Variants in OR5M1 observed in about 807,000 individuals in gnomAD.
The protein encoded by OR5M1 is olfactory receptor 5M1.
For synonymous variants in OR5M1, 165 were observed against 144.2 expected (o/e 1.14, Z -1.04); for missense variants, 367 against 379.5 (o/e 0.97, Z 0.27).
Position 56,612,599 on chromosome 11 carries a change from G to C in OR5M1, c.904C>G (p.Gln302Glu). The change falls in exon 2 of 2, where the codon CAA becomes GAA. Residue 302 changes from glutamine (Q) to glutamate (E), a missense_variant. Coordinates refer to ENST00000641076, the MANE Select transcript of OR5M1 (RefSeq NM_001004740.2). ...LRNTDVILAM[Q>E]QMIRGKSFHK... The stretch of plus-strand genomic sequence containing the variant: ...AAGGATTTTCCCCTAATCATTTGTT[G>C]CATGGCAAGGATTACATCTGTGTTC... The C allele has an allele frequency of 6.2e-7, 1 of 1,606,454 alleles. No individual in the cohort carries two copies. Among genetic ancestry groups the C allele is most frequent in the Non-Finnish European group, 8.5e-7 (1 of 1,178,282 alleles).
At position 56,612,427 on chromosome 11, in the gene OR5M1, G is replaced by T; in HGVS notation, c.*128C>A. 1 of 560,084 alleles carries T rather than the reference G, an allele frequency of 1.8e-6. No individual in the cohort carries two copies. The highest frequency in any genetic ancestry group is 3.1e-6 in the Non-Finnish European group (1 of 325,012). The allele number at this position is 560,084 out of a possible 1,614,324, so 34.7% of individuals were successfully genotyped here. A position where few individuals can be genotyped will look rare whatever the true frequency, so the allele number is the denominator to read the frequency against. On this transcript the variant is annotated 3_prime_UTR_variant, in exon 2 of 2. Coordinates refer to ENST00000641076, the MANE Select transcript of OR5M1 (RefSeq NM_001004740.2). ...AAATCAATCTTCAAGGTTTTCATTT[G>T]GATAAGAAAGTAAAGTGGTTACTGA...
rs931061888 is a variant in OR5M1, at chr11:56,613,135, T to C, written c.368A>G (p.Tyr123Cys). Residue 123 changes from tyrosine to cysteine, a missense_variant, in exon 2 of 2, where the codon TAT (tyrosine) becomes TGT (cysteine). By Grantham distance (194) the Tyr-to-Cys change is radical (BLOSUM62 -2). Transcript: ENST00000641076. ...YILASMALDR[Y>C]VAICSPLHYS... is the part of the protein sequence containing the mutation. ...ATGCAAAGGGCTGCAAATGGCTACA[T>C]AGCGATCCAATGCCATTGAAGCAAG... The C allele has an allele frequency of 2.5e-6, 4 of 1,613,688 alleles. No individual in the cohort carries two copies. Among genetic ancestry groups the C allele is most frequent in the Non-Finnish European group, 3.4e-6 (4 of 1,179,818 alleles).
chr11:56,612,619 G>C lies in OR5M1; in HGVS notation c.884C>G (p.Thr295Arg), dbSNP rs200341456. Residue 295 changes from threonine to arginine, a missense_variant, in exon 2 of 2, where the codon ACA becomes AGA. Coordinates refer to ENST00000641076, the MANE Select transcript of OR5M1 (RefSeq NM_001004740.2). ...TTGTTGCATGGCAAGGATTACATCT[G>C]TGTTCCGTAGGCTATAGATCAATGG... ...LNPLIYSLRN[T>R]DVILAMQQMI... The C allele has an allele frequency of 1.9e-4, 307 of 1,612,044 alleles. 1 individual carries two copies. Among genetic ancestry groups the C allele is most frequent in the African/African-American group, 1.6e-3 (120 of 74,984 alleles).
rs758063717 is a variant in OR5M1, at chr11:56,612,584, C to T, written c.919G>A (p.Gly307Arg). The change falls in exon 2 of 2, where the codon GGA (glycine) becomes AGA (arginine). Residue 307 changes from glycine to arginine, a missense_variant. Transcript: ENST00000641076. Reference sequence around the variant, plus strand: ...ACTGCAATTTTATGAAAGGATTTTCCCCTAATCATTTGTTGCATGGCAAGG... The same window carrying T: ...ACTGCAATTTTATGAAAGGATTTTCTCCTAATCATTTGTTGCATGGCAAGG... ...VILAMQQMIR[G>R]KSFHKIAV 1 of 1,605,070 alleles carries T rather than the reference C, an allele frequency of 6.2e-7. No homozygotes were observed.
At chr11:56,614,553 G>A (rs576084090) in intron 1 of OR5M1, among the ~76,000 whole-genome samples, 1 of 152,010 alleles carries the variant, frequency 6.6e-6, no homozygotes, top group East Asian at 1.9e-4. Context: ...TCCAACTCAA[G>A]CCACTCTCTC....
rs1299731972 is a variant in OR5M1 at position 56,613,494 on chromosome 11, G to A, written c.9C>T (p.Ser3=). The A allele has an allele frequency of 2.1e-5, 34 of 1,611,976 alleles. No homozygotes were observed. The highest frequency in any genetic ancestry group is 2.8e-5 in the Non-Finnish European group (33 of 1,178,356). Residue 3 remains serine (S), a synonymous_variant, in exon 2 of 2, where the codon TCC becomes TCT. Transcript: ENST00000641076. The part of the protein sequence containing the change: MF[S]PNHTIVTEFI... ...ATTCTGTCACTATGGTGTGGTTTGG[G>A]GAGAACATCTTCTTATCTCTTGAAA...
Position 56,610,944 on chromosome 11 carries a change from G to A in OR5M1, c.*1611C>T, listed in dbSNP as rs933757746. ...CGTACAGTTATTTAGGCCAAATATA[G>A]AGTATTTTTTGCACTCATTCTAAAA... On this transcript the variant is annotated 3_prime_UTR_variant, in exon 2 of 2. Transcript: ENST00000641076. 1 of 152,066 alleles carries A rather than the reference G, an allele frequency of 6.6e-6. No homozygotes were observed. The highest frequency in any genetic ancestry group is 1.5e-5 in the Non-Finnish European group (1 of 68,006). The allele number at this position is 152,066 out of a possible 1,614,324, so 9.4% of individuals were successfully genotyped here.
chr11:56,613,325 AC>A lies in OR5M1; in HGVS notation c.177del (p.Met59IlefsTer11). The stretch of plus-strand genomic sequence containing the variant: ...AAGGAGAGGTGGCCAAGGAAGAAAT[AC>A]ATGGGTGTTTGCAGGTGGGAATTGG... ...IRTNSHLQTP[M>X]YFFLGHLSFV... On this transcript the variant is annotated frameshift_variant, in exon 2 of 2. Transcript: ENST00000641076. LOFTEE classifies it low-confidence loss of function (END_TRUNC). 2 of 1,613,722 alleles carry A rather than the reference AC, an allele frequency of 1.2e-6. No homozygotes were observed. The highest frequency in any genetic ancestry group is 1.7e-6 in the Non-Finnish European group (2 of 1,179,676).
At position 56,613,351 on chromosome 11, in the gene OR5M1, G is replaced by T. The variant is rs1181495197; in HGVS notation, c.152C>A (p.Thr51Asn). Residue 51 changes from threonine (T) to asparagine (N), a missense_variant, in exon 2 of 2, where the codon ACC (threonine) becomes AAC (asparagine). Thr to Asn is a moderately conservative substitution (Grantham distance 65). Coordinates refer to ENST00000641076, the MANE Select transcript of OR5M1 (RefSeq NM_001004740.2). ...CATGGGTGTTTGCAGGTGGGAATTG[G>T]TCCTGATCAGCAGGATCATGCACAG... ...GNLCMILLIR[T>N]NSHLQTPMYF... is the part of the protein sequence containing the mutation. 1.2e-6 allele frequency: 2 copies of T among 1,613,702 alleles called. No homozygotes were observed. Among genetic ancestry groups the T allele is most frequent in the East Asian group, 4.5e-5 (2 of 44,878 alleles).
chr11:56,613,971 T>G (rs755151170), intron 1 of OR5M1, among the ~76,000 whole-genome samples: 3 of 152,228 alleles, frequency 2.0e-5, no homozygotes, highest in Non-Finnish European at 4.4e-5. Flanking sequence ...TCTGATATTG[T>G]ATTGTTTCAG....
chr11:56,613,676 A>G (rs1448201883), intron 1 of OR5M1, among the ~76,000 whole-genome samples, 157 bp from the exon 2 acceptor site: 1 of 152,182 alleles, frequency 6.6e-6, no homozygotes, highest in Non-Finnish European at 1.5e-5. Context: ...TTGTCTCCCT[A>G]TATGTCTGTT....
At position 56,610,130 on chromosome 11, in the gene OR5M1, A is replaced by AC. The variant is rs2134956413; in HGVS notation, c.*2424dup. 1 of 152,050 alleles carries AC rather than the reference A, an allele frequency of 6.6e-6. No individual in the cohort carries two copies. The highest frequency in any genetic ancestry group is 2.1e-4 in the South Asian group (1 of 4,824). The allele number at this position is 152,050 out of a possible 1,614,324, so 9.4% of individuals were successfully genotyped here. A position where few individuals can be genotyped will look rare whatever the true frequency, so the allele number is the denominator to read the frequency against. On this transcript the variant is annotated 3_prime_UTR_variant, in exon 2 of 2. Coordinates refer to ENST00000641076, the MANE Select transcript of OR5M1 (RefSeq NM_001004740.2). ...ACAGGACAGATCCCTCATAAATTTT[A>AC]CTCCCTCATATTTGTCTGTACCTGG...
Position 56,611,859 on chromosome 11 carries a change from C to T in OR5M1, c.*696G>A, listed in dbSNP as rs184582447. On this transcript the variant is annotated 3_prime_UTR_variant, in exon 2 of 2. Coordinates refer to ENST00000641076, the MANE Select transcript of OR5M1 (RefSeq NM_001004740.2). ...AAGTCAGAGGTACGGCACTGGAAAACATAACTGGAATGCAGTTAAAGTAGT... is the reference window on the plus strand; with the variant it reads ...AAGTCAGAGGTACGGCACTGGAAAATATAACTGGAATGCAGTTAAAGTAGT... The T allele has an allele frequency of 6.6e-6, 1 of 152,212 alleles. No homozygotes were observed. The highest frequency in any genetic ancestry group is 1.9e-4 in the East Asian group (1 of 5,172). The allele number at this position is 152,212 out of a possible 1,614,324, so 9.4% of individuals were successfully genotyped here.
chr11:56,614,242 C>A (rs1853717419), intron 1 of OR5M1, among the ~76,000 whole-genome samples: 1 of 152,072 alleles, frequency 6.6e-6, no homozygotes, highest in Non-Finnish European at 1.5e-5. Context: ...AGGGAGCACA[C>A]ATTATAATAG....
chr11:56,612,561 T>C lies in OR5M1; in HGVS notation c.942A>G (p.Ala314=). 6.3e-7 allele frequency: 1 copy of C among 1,595,716 alleles called. No individual in the cohort carries two copies. Among genetic ancestry groups the C allele is most frequent in the Non-Finnish European group, 8.5e-7 (1 of 1,173,774 alleles). Residue 314 remains alanine (A), a synonymous_variant, in exon 2 of 2, where the codon GCA becomes GCG. Transcript: ENST00000641076. ...MIRGKSFHKI[A]V The stretch of plus-strand genomic sequence containing the variant: ...ACTGCAAATAAACACAAGCCTAAAC[T>C]GCAATTTTATGAAAGGATTTTCCCC...
At chr11:56,614,590 A>G (rs1340025401) in intron 1 of OR5M1, among the ~76,000 whole-genome samples, 2 of 152,132 alleles carry the variant, frequency 1.3e-5, no homozygotes. Context: ...GTAACATAAG[A>G]TTGTAAAAAT....
rs1853681966 is a variant in OR5M1 at position 56,611,793 on chromosome 11, G to A, written c.*762C>T. On this transcript the variant is annotated 3_prime_UTR_variant, in exon 2 of 2. Coordinates refer to ENST00000641076, the MANE Select transcript of OR5M1 (RefSeq NM_001004740.2). ...TCAAGACATTTGTGGGTATGCACAG[G>A]GCAGTTAATAGACCCTATTGACTCC... is the stretch of plus-strand genomic sequence containing the variant. 1 of 151,962 alleles carries A rather than the reference G, an allele frequency of 6.6e-6. No homozygotes were observed. Among genetic ancestry groups the A allele is most frequent in the African/African-American group, 2.4e-5 (1 of 41,366 alleles). 9.4% of individuals were successfully genotyped at this position (151,962 alleles called of 1,614,324 possible).
chr11:56,611,636 T>C lies in OR5M1; in HGVS notation c.*919A>G, dbSNP rs1454834626. 1.3e-5 allele frequency: 2 copies of C among 152,122 alleles called. No individual in the cohort carries two copies. The highest frequency in any genetic ancestry group is 2.9e-5 in the Non-Finnish European group (2 of 68,014). The allele number at this position is 152,122 out of a possible 1,614,324, so 9.4% of individuals were successfully genotyped here. Reference sequence around the variant, plus strand: ...GCCTCTCTGAGATTGATTTTCTCTATAGCAGCTTCAAGAACTACTAGAACA... The same window carrying C: ...GCCTCTCTGAGATTGATTTTCTCTACAGCAGCTTCAAGAACTACTAGAACA... On this transcript the variant is annotated 3_prime_UTR_variant, in exon 2 of 2. Transcript: ENST00000641076.
Position 56,611,005 on chromosome 11 carries a change from A to G in OR5M1, c.*1550T>C, listed in dbSNP as rs1853670209. 6.6e-6 allele frequency: 1 copy of G among 152,126 alleles called. No homozygotes were observed. Among genetic ancestry groups the G allele is most frequent in the Non-Finnish European group, 1.5e-5 (1 of 68,014 alleles). The allele number at this position is 152,126 out of a possible 1,614,324, so 9.4% of individuals were successfully genotyped here. On this transcript the variant is annotated 3_prime_UTR_variant, in exon 2 of 2. Transcript: ENST00000641076. ...AAATAGGGTTTCAAATCTGGATATG[A>G]GACCATTCTGCTTGCCAGAAATGGA...
Sources: allele counts gnomAD v4.1 joint callset (sites outside exome capture counted in the v4.1 genomes callset), GRCh38; gene constraint gnomAD v4.1.1; transcripts MANE v1.5; gene names NCBI Gene and HGNC (gene_info 2026-07-23, HGNC 2026-07-21).